PLEKHA7: variants seen among roughly 807,000 people sequenced by gnomAD.
The protein encoded by PLEKHA7 is pleckstrin homology domain-containing family A member 7.
PLEKHA7 carries 104 observed loss-of-function variants against 170.0 expected under a neutral mutation model. The observed-to-expected ratio is 0.61, with a 90% CI of 0.52 to 0.72. The LOEUF (loss-of-function observed/expected upper bound fraction) is 0.72. Among genes scored for constraint, PLEKHA7 ranks in the 30% least tolerant of loss-of-function variants. The pLI, the probability that PLEKHA7 is intolerant of heterozygous loss-of-function variation, is 0.00. For missense variants in PLEKHA7, 1,615 were observed against 1,671.7 expected, an observed-to-expected ratio of 0.97 and a Z score of 0.59; for synonymous variants, 648 against 660.8, an observed-to-expected ratio of 0.98 and a Z score of 0.30.
At chr11:16,827,333 T>C (rs1051382569) in intron 9 of PLEKHA7, among the ~76,000 whole-genome samples, 3 of 152,254 alleles carry the variant, frequency 2.0e-5, no homozygotes. Context: ...TGAAGTATTA[T>C]TAGTCAGATT....
At chr11:16,993,934 G>C (rs1475192398) in intron 3 of PLEKHA7, among the ~76,000 whole-genome samples, 3 of 152,216 alleles carry the variant, frequency 2.0e-5, no homozygotes, top group Non-Finnish European at 4.4e-5. Context: ...CAAGGTGTTA[G>C]TATCAGATAA....
chr11:16,949,743 A>T (rs1191530791), intron 3 of PLEKHA7, among the ~76,000 whole-genome samples: 1 of 152,192 alleles, frequency 6.6e-6, no homozygotes, highest in South Asian at 2.1e-4. Flanking sequence ...AGACATGGAT[A>T]TAAATCACCA....
chr11:16,795,128 C>A (rs1848131402), intron 17 of PLEKHA7, 110 bp from the exon 18 acceptor site: 2 of 768,648 alleles, frequency 2.6e-6, no homozygotes, highest in Admixed American at 4.0e-5. Flanking sequence ...GCAGCATCCC[C>A]TCTGGAAACC....
chr11:16,909,336 T>C (rs113760204), intron 3 of PLEKHA7, among the ~76,000 whole-genome samples: 305 of 152,380 alleles, frequency 2.0e-3, no homozygotes, highest in African/African-American at 6.7e-3. Context: ...TTAATGTTCA[T>C]TGCCTTTCCC....
chr11:16,783,911 C>G, intron 24 of PLEKHA7, 78 bp from the exon 25 acceptor site: 1 of 1,287,934 alleles, frequency 7.8e-7, no homozygotes, highest in Non-Finnish European at 9.9e-7. Context: ...ACCTCTGTCC[C>G]CTCCCACCAT....
At chr11:16,892,406 T>TTGTGTGTG (rs58762762) in intron 3 of PLEKHA7, among the ~76,000 whole-genome samples, 2 of 136,810 alleles carry the variant, frequency 1.5e-5, no homozygotes, top group African/African-American at 5.3e-5. Context: ...TTGTTTTATT[T>TTGTGTGTG]TGTGTGTGTG....
At chr11:16,923,277 T>C (rs1231415950) in intron 3 of PLEKHA7, among the ~76,000 whole-genome samples, 1 of 152,144 alleles carries the variant, frequency 6.6e-6, no homozygotes, top group African/African-American at 2.4e-5. Context: ...AAAAACCTTG[T>C]TCCTAATCAA....
At position 16,780,948 on chromosome 11, in the gene PLEKHA7, G is replaced by A. The variant is rs571328883; in HGVS notation, c.3793+1806C>T. On this transcript the variant is annotated intron_variant, in intron 26 of 26. Transcript: ENST00000531066. ...ACCAGACAGGGGCTCTTACTTGGAAGGTGTTAGACAAAGGTGTAGTGGAGT... is the reference window on the plus strand; with the variant it reads ...ACCAGACAGGGGCTCTTACTTGGAAAGTGTTAGACAAAGGTGTAGTGGAGT... The A allele has an allele frequency of 1.6e-5, 16 of 980,548 alleles. No individual in the cohort carries two copies. In the South Asian group the frequency reaches 6.1e-4, roughly 38 times the overall value. 60.7% of individuals were successfully genotyped at this position (980,548 alleles called of 1,614,324 possible).
intron 3 of PLEKHA7, among the ~76,000 whole-genome samples, chr11:16,923,376 G>A (rs1424039021): frequency 6.6e-6 from 1 of 152,230 alleles, no homozygotes; most frequent in East Asian, 1.9e-4. Context: ...AGCCCTGTGT[G>A]TTAGGGGAGG....
chr11:16,782,947 C>G (rs1849146095), intron 25 of PLEKHA7, 51 bp from the exon 26 acceptor site: 1 of 1,519,126 alleles, frequency 6.6e-7, no homozygotes, highest in Admixed American at 2.0e-5. Context: ...TGGGTAGCAG[C>G]CTCAGGAGTG....
At chr11:16,802,381 C>T (rs533199866) in intron 15 of PLEKHA7, among the ~76,000 whole-genome samples, 46 of 152,292 alleles carry the variant, frequency 3.0e-4, no homozygotes, top group Admixed American at 1.8e-3. Flanking sequence ...AGGAACCCTG[C>T]TTCCCTGGGG....
chr11:16,810,542 T>G (rs979707291), intron 13 of PLEKHA7, among the ~76,000 whole-genome samples: 1 of 152,216 alleles, frequency 6.6e-6, no homozygotes, highest in African/African-American at 2.4e-5. Flanking sequence ...GAGAGGAACT[T>G]AGCAACCGGG....
chr11:16,887,741 C>T (rs1856247895), intron 3 of PLEKHA7, among the ~76,000 whole-genome samples: 1 of 152,236 alleles, frequency 6.6e-6, no homozygotes. Flanking sequence ...TCTTGGCTGG[C>T]TACAACCTCC....
At chr11:16,866,289 C>T (rs1051380599) in intron 4 of PLEKHA7, among the ~76,000 whole-genome samples, 1 of 152,106 alleles carries the variant, frequency 6.6e-6, no homozygotes, top group Non-Finnish European at 1.5e-5. Context: ...TGAAGCCACC[C>T]TCAGTAAAGA....
intron 8 of PLEKHA7, among the ~76,000 whole-genome samples, chr11:16,846,669 G>A (rs1852433417): frequency 6.6e-6 from 1 of 152,196 alleles, no homozygotes; most frequent in Non-Finnish European, 1.5e-5. Flanking sequence ...AACCTAGGGA[G>A]GTTGGCTGAA....
At chr11:16,918,485 T>C (rs1027859522) in intron 3 of PLEKHA7, among the ~76,000 whole-genome samples, 10 of 152,224 alleles carry the variant, frequency 6.6e-5, no homozygotes, top group East Asian at 1.9e-4. Context: ...CTCTGTAACC[T>C]TGAGCTTGTT....
intron 17 of PLEKHA7, among the ~76,000 whole-genome samples, chr11:16,797,954 T>G (rs763197633): frequency 6.6e-6 from 1 of 152,152 alleles, no homozygotes; most frequent in Non-Finnish European, 1.5e-5. Flanking sequence ...GATGGAATTT[T>G]GGGCCTTCAT....
At chr11:16,901,507 T>C (rs1857334740) in intron 3 of PLEKHA7, among the ~76,000 whole-genome samples, 1 of 152,208 alleles carries the variant, frequency 6.6e-6, no homozygotes, top group Non-Finnish European at 1.5e-5. Flanking sequence ...ATGTCTTTTC[T>C]CTTTTTTCGG....
intron 12 of PLEKHA7, 45 bp from the exon 13 acceptor site, chr11:16,813,211 G>GA: frequency 1.3e-6 from 2 of 1,534,720 alleles, no homozygotes; most frequent in South Asian, 2.2e-5. Flanking sequence ...TGAACACCAA[G>GA]AGTTTCCATA....
Sources: gnomAD v4.1 joint callset for allele counts (sites outside exome capture counted in the v4.1 genomes callset) on GRCh38, gnomAD v4.1.1 for gene constraint, MANE v1.5 for transcripts, NCBI Gene and HGNC (gene_info 2026-07-23, HGNC 2026-07-21) for gene names.